MYT1L: variants seen among roughly 807,000 people sequenced by gnomAD.
The protein encoded by MYT1L is myelin transcription factor 1-like protein.
In MYT1L, 12 loss-of-function variants were observed where a neutral mutation model predicts 126.7. The observed-to-expected ratio is 0.09, with a 90% CI of 0.06 to 0.15. MYT1L has a LOEUF of 0.15. Ranked by LOEUF, MYT1L falls within the 10% of genes least tolerant of loss-of-function variation. The pLI is 1.00. For synonymous variants in MYT1L, 541 were observed against 604.2 expected, an observed-to-expected ratio of 0.90 and a Z score of 1.53; for missense variants, 979 against 1,585.2, an observed-to-expected ratio of 0.62 and a Z score of 6.49.
intron 9 of MYT1L, among the ~76,000 whole-genome samples, chr2:1,925,691 C>T (rs759596751): frequency 5.9e-5 from 9 of 152,110 alleles, no homozygotes; most frequent in Admixed American, 2.6e-4. Context: ...GGACCACCTC[C>T]GATGCATCTC....
chr2:2,016,562 C>G (rs991948694), intron 4 of MYT1L, among the ~76,000 whole-genome samples: 1 of 152,226 alleles, frequency 6.6e-6, no homozygotes, highest in Non-Finnish European at 1.5e-5. Flanking sequence ...GAATCCAACA[C>G]CCTTCTCTGT....
rs2032719854 is a variant in MYT1L, at chr2:1,793,606, C to T, written c.3277-1142G>A. ...GTTCTCCCAGTCACCAGCCTCAGGC[C>T]CAGACCCTCTGTTAGAAAACTGAAG... On this transcript the variant is annotated intron_variant, in intron 23 of 24. Transcript: ENST00000647738. This position sits in a 1 kb window ranked among gnomAD's most constrained non-coding sequence, Gnocchi z 4.6. 6.6e-6 allele frequency among the ~76,000 whole-genome samples: 1 copy of T among 152,168 alleles called. No individual in the cohort carries two copies. Among genetic ancestry groups the T allele is most frequent in the Non-Finnish European group, 1.5e-5 (1 of 68,034 alleles).
chr2:1,876,089 G>A lies in MYT1L; in HGVS notation c.2711+10450C>T, dbSNP rs572703133. On this transcript the variant is annotated intron_variant, in intron 18 of 24. Transcript: ENST00000647738. ...TGCAGTGATATTGAAAGTCTCTTTG[G>A]CCGCCTGATTCCCGGGTATTTTCAG... is the stretch of plus-strand genomic sequence containing the variant. 3.3e-5 allele frequency among the ~76,000 whole-genome samples: 5 copies of A among 152,316 alleles called. No homozygotes were observed. The East Asian group carries it at 9.6e-4, about 29-fold the overall frequency.
At chr2:2,053,727 T>C (rs2069126305) in intron 4 of MYT1L, among the ~76,000 whole-genome samples, 1 of 152,212 alleles carries the variant, frequency 6.6e-6, no homozygotes, top group African/African-American at 2.4e-5. Flanking sequence ...TCAATTCTTC[T>C]TTTGGGTGAT....
intron 3 of MYT1L, among the ~76,000 whole-genome samples, chr2:2,073,616 G>A (rs932322850): frequency 1.3e-5 from 2 of 152,114 alleles, no homozygotes; most frequent in East Asian, 1.9e-4. Context: ...CAAGTTTCTC[G>A]TCGTGTGACT....
At chr2:2,006,682 C>A (rs1051596250) in intron 4 of MYT1L, among the ~76,000 whole-genome samples, 1 of 151,972 alleles carries the variant, frequency 6.6e-6, no homozygotes, top group Admixed American at 6.6e-5. Context: ...TTCAAGTGAT[C>A]CTCCCACCTC....
chr2:2,248,563 A>T (rs1473575184), intron 2 of MYT1L, among the ~76,000 whole-genome samples: 1 of 152,144 alleles, frequency 6.6e-6, no homozygotes. Context: ...CACCAAAGAC[A>T]CATCAAATAA....
intron 3 of MYT1L, among the ~76,000 whole-genome samples, chr2:2,136,898 T>C (rs1057308029): frequency 4.6e-5 from 7 of 152,192 alleles, no homozygotes; most frequent in African/African-American, 1.7e-4. Flanking sequence ...GAAGTCAAAT[T>C]GTCCTTGTTT....
intron 2 of MYT1L, among the ~76,000 whole-genome samples, chr2:2,264,338 G>C (rs1027051667): frequency 4.0e-5 from 6 of 151,884 alleles, no homozygotes; most frequent in Non-Finnish European, 8.8e-5. Flanking sequence ...TTATTTGTGC[G>C]TATACAGAAC....
intron 3 of MYT1L, among the ~76,000 whole-genome samples, chr2:2,169,447 T>G (rs2089671049): frequency 6.6e-6 from 1 of 152,194 alleles, no homozygotes. Flanking sequence ...ATGATACAGA[T>G]TCACATGCCA....
intron 4 of MYT1L, among the ~76,000 whole-genome samples, chr2:2,003,958 C>A (rs558370598): frequency 2.0e-5 from 3 of 150,636 alleles, no homozygotes; most frequent in Non-Finnish European, 3.0e-5. Context: ...TTCCTGCATG[C>A]GTTCTTTCCT....
intron 8 of MYT1L, among the ~76,000 whole-genome samples, chr2:1,950,154 G>C (rs2057613939): frequency 1.3e-5 from 2 of 151,622 alleles, no homozygotes; most frequent in African/African-American, 4.9e-5. Context: ...TGAGTCACTT[G>C]TGTAAAATCA....
chr2:1,875,282 C>G (rs2046768768), intron 18 of MYT1L, among the ~76,000 whole-genome samples: 1 of 152,064 alleles, frequency 6.6e-6, no homozygotes, highest in Non-Finnish European at 1.5e-5. Flanking sequence ...GCACATTGTG[C>G]TGGTGTTGGG....
intron 4 of MYT1L, among the ~76,000 whole-genome samples, chr2:2,004,800 G>T (rs201681626): frequency 5.4e-5 from 4 of 73,776 alleles, no homozygotes; most frequent in Non-Finnish European, 9.6e-5. Context: ...TCCTGCATGT[G>T]TTCTTTCCTG....
intron 3 of MYT1L, among the ~76,000 whole-genome samples, chr2:2,166,365 G>T (rs1391268249): frequency 6.6e-6 from 1 of 152,130 alleles, no homozygotes; most frequent in Non-Finnish European, 1.5e-5. Flanking sequence ...CTGTCACTTA[G>T]CTCTGATCCT....
intron 2 of MYT1L, among the ~76,000 whole-genome samples, chr2:2,216,400 T>C (rs1196383354): frequency 1.3e-5 from 2 of 150,614 alleles, no homozygotes; most frequent in African/African-American, 5.0e-5. Context: ...AAATAACACA[T>C]TTCTAAATAA....
At chr2:1,913,134 C>T (rs2052303394) in intron 11 of MYT1L, among the ~76,000 whole-genome samples, 1 of 152,216 alleles carries the variant, frequency 6.6e-6, no homozygotes, top group African/African-American at 2.4e-5. Context: ...TTTCCTCCTT[C>T]TCTAGAACAA....
intron 18 of MYT1L, among the ~76,000 whole-genome samples, chr2:1,869,272 G>T (rs1338989928): frequency 2.6e-5 from 4 of 152,222 alleles, no homozygotes; most frequent in Non-Finnish European, 5.9e-5. Context: ...CCTGGACCTG[G>T]GTTGTGTTGT....
At chr2:2,246,106 G>T (rs1338618479) in intron 2 of MYT1L, among the ~76,000 whole-genome samples, 1 of 152,188 alleles carries the variant, frequency 6.6e-6, no homozygotes, top group Admixed American at 6.5e-5. Context: ...ACTAATACAG[G>T]CTCGCTGACT....
Sources: gnomAD v4.1 joint callset for allele counts (sites outside exome capture counted in the v4.1 genomes callset) on GRCh38, gnomAD v4.1.1 for gene constraint, Gnocchi (gnomAD v3.1) non-coding constraint, MANE v1.5 for transcripts, NCBI Gene and HGNC (gene_info 2026-07-23, HGNC 2026-07-21) for gene names.